The following ARHGAP44 variants were observed in gnomAD, a reference collection of about 807,000 sequenced individuals.
ARHGAP44 encodes the protein rho GTPase-activating protein 44.
A neutral mutation model predicts 106.8 loss-of-function variants in ARHGAP44; 43 were observed. That is an observed-to-expected ratio of 0.40 (90% CI 0.32 to 0.52). ARHGAP44 has a LOEUF of 0.52. ARHGAP44 is among the 20% of genes least tolerant of loss of function. ARHGAP44 has a pLI of 0.48. For synonymous variants in ARHGAP44, 439 were observed against 410.3 expected, an observed-to-expected ratio of 1.07 and a Z score of -0.85; for missense variants, 866 against 1,050.5, an observed-to-expected ratio of 0.82 and a Z score of 2.43.
intron 1 of ARHGAP44, among the ~76,000 whole-genome samples, chr17:12,855,006 CAT>C (rs1355605586): frequency 2.7e-5 from 4 of 147,090 alleles, no homozygotes; most frequent in African/African-American, 7.5e-5. Context: ...TATGTCCACA[CAT>C]GTCTGTATAT....
chr17:12,973,907 G>GGCC, intron 17 of ARHGAP44, 182 bp from the exon 18 acceptor site: 1 of 689,430 alleles, frequency 1.5e-6, no homozygotes. Context: ...GCTGTGTCTT[G>GGCC]GCCGCCGGGA....
chr17:12,903,140 AGTGTGTGTGTGTGTGTGT>A (rs546197652), intron 3 of ARHGAP44, among the ~76,000 whole-genome samples: 25 of 57,586 alleles, frequency 4.3e-4, no homozygotes, highest in African/African-American at 1.1e-3. Context: ...AGAGAGAGAG[AGTGTGTGTGTGTGTGTGT>A]GTGTGTGTGT....
At chr17:12,985,649 C>T (rs967720789) in intron 20 of ARHGAP44, 1 of 152,188 alleles carries the variant, frequency 6.6e-6, no homozygotes, top group African/African-American at 2.4e-5. Flanking sequence ...TGGAACATCT[C>T]CCCAGACACT....
intron 6 of ARHGAP44, among the ~76,000 whole-genome samples, chr17:12,926,427 TATAATATATATGTATATAC>T (rs2038236212): frequency 7.0e-6 from 1 of 142,274 alleles, no homozygotes; most frequent in African/African-American, 2.5e-5. Context: ...TATATGTATA[TATAATATATATGTATATAC>T]ATAATATATA....
chr17:12,914,780 GAGT>G (rs1404880675), intron 4 of ARHGAP44, among the ~76,000 whole-genome samples: 1 of 129,698 alleles, frequency 7.7e-6, no homozygotes, highest in Non-Finnish European at 1.6e-5. Flanking sequence ...TAGGCAACAA[GAGT>G]GAAACTCCAT....
intron 1 of ARHGAP44, among the ~76,000 whole-genome samples, chr17:12,868,200 T>C (rs182217596): frequency 4.5e-4 from 69 of 152,294 alleles, no homozygotes; most frequent in African/African-American, 1.6e-3. Flanking sequence ...AGATGCCATC[T>C]TCTCTCTGCG....
At chr17:12,972,662 AATATT>A (rs1378174192) in intron 16 of ARHGAP44, among the ~76,000 whole-genome samples, 5 of 53,496 alleles carry the variant, frequency 9.3e-5, no homozygotes, top group Admixed American at 4.0e-4. Context: ...TAAATAAATA[AATATT>A]TTTTTTTTTT....
At chr17:12,899,414 AT>A (rs1462788879) in intron 3 of ARHGAP44, among the ~76,000 whole-genome samples, 8 of 152,194 alleles carry the variant, frequency 5.3e-5, no homozygotes, top group South Asian at 4.1e-4. Flanking sequence ...TGGGAAAAAA[AT>A]TTCCAAACTC....
In ARHGAP44 at chr17:12,789,706, C is replaced by G. The variant is rs939130223; in HGVS notation, c.-133C>G. The G allele has an allele frequency of 1.4e-6, 1 of 730,132 alleles. No individual in the cohort carries two copies. The highest frequency in any genetic ancestry group is 3.6e-5 in the East Asian group (1 of 27,872). The allele number at this position is 730,132 out of a possible 1,614,324, so 45.2% of individuals were successfully genotyped here. On this transcript the variant is annotated 5_prime_UTR_variant, in exon 1 of 21. Coordinates refer to ENST00000379672, the MANE Select transcript of ARHGAP44 (RefSeq NM_014859.6). ...GGGAGGGAGCTGCGCGCGGGCCAGACGGCGCCCGGAGGCTCCGCAGTGCCG... is the reference window on the plus strand; with the variant it reads ...GGGAGGGAGCTGCGCGCGGGCCAGAGGGCGCCCGGAGGCTCCGCAGTGCCG...
intron 3 of ARHGAP44, among the ~76,000 whole-genome samples, chr17:12,904,703 A>G (rs1242481628): frequency 6.6e-6 from 1 of 152,228 alleles, no homozygotes; most frequent in Admixed American, 6.5e-5. Context: ...GTGTATATTT[A>G]GTATGCTAAC....
chr17:12,978,694 TTTC>T (rs377405332), intron 18 of ARHGAP44, among the ~76,000 whole-genome samples: 41,617 of 142,778 alleles, frequency 0.29, 5,680 homozygotes, highest in South Asian at 0.42. Context: ...TTTTTTCTTT[TTTC>T]TTTTTTTTTT....
chr17:12,854,444 A>G (rs960203909), intron 1 of ARHGAP44, among the ~76,000 whole-genome samples: 3 of 152,166 alleles, frequency 2.0e-5, no homozygotes, highest in Non-Finnish European at 4.4e-5. Context: ...AATGTGTAAG[A>G]TGTTGATGGG....
intron 1 of ARHGAP44, among the ~76,000 whole-genome samples, chr17:12,822,765 C>T (rs2034808239): frequency 6.6e-6 from 1 of 152,124 alleles, no homozygotes; most frequent in South Asian, 2.1e-4. Context: ...ACTGTCCTCC[C>T]CTTCCCAATG....
chr17:12,987,144 A>T, intron 20 of ARHGAP44: 1 of 1,521,088 alleles, frequency 6.6e-7, no homozygotes, highest in Non-Finnish European at 8.8e-7. Context: ...TGTGAGGGGG[A>T]TTTTCAGGGT....
At chr17:12,881,476 T>C (rs867217810) in intron 1 of ARHGAP44, among the ~76,000 whole-genome samples, 5 of 152,066 alleles carry the variant, frequency 3.3e-5, no homozygotes, top group African/African-American at 1.2e-4. Context: ...TTATCTGTCA[T>C]TTTTTTCCAT....
intron 1 of ARHGAP44, among the ~76,000 whole-genome samples, chr17:12,853,049 G>A (rs1465580000): frequency 6.6e-6 from 1 of 152,154 alleles, no homozygotes; most frequent in African/African-American, 2.4e-5. Flanking sequence ...ATCAACTCAC[G>A]TGATCACAAG....
At chr17:12,811,863 T>C (rs1430690953) in intron 1 of ARHGAP44, among the ~76,000 whole-genome samples, 1 of 152,156 alleles carries the variant, frequency 6.6e-6, no homozygotes, top group African/African-American at 2.4e-5. Flanking sequence ...GCGTCCCTTC[T>C]CCTCCTCTTA....
At chr17:12,862,838 A>G (rs563136401) in intron 1 of ARHGAP44, among the ~76,000 whole-genome samples, 2 of 152,112 alleles carry the variant, frequency 1.3e-5, no homozygotes, top group African/African-American at 2.4e-5. Flanking sequence ...CTATAAAAAT[A>G]CAGTTTAAAA....
chr17:12,894,876 G>A, intron 1 of ARHGAP44, 64 bp from the exon 2 acceptor site: 1 of 1,427,782 alleles, frequency 7.0e-7, no homozygotes, highest in South Asian at 1.2e-5. Context: ...GAAGAGATTA[G>A]GGAGTAATTA....
Sources: gnomAD v4.1 joint callset for allele counts (sites outside exome capture counted in the v4.1 genomes callset) on GRCh38, gnomAD v4.1.1 for gene constraint, MANE v1.5 for transcripts, NCBI Gene and HGNC (gene_info 2026-07-23, HGNC 2026-07-21) for gene names.